The following ZBTB20 variants were observed in gnomAD, a reference collection of about 807,000 sequenced individuals.
ZBTB20 encodes the protein zinc finger and BTB domain-containing protein 20.
Under a neutral mutation model 56.9 loss-of-function variants are expected in ZBTB20, and 9 were observed. The ratio of observed to expected loss-of-function variants is 0.16; its 90% confidence interval spans 0.10 to 0.28. ZBTB20 has a LOEUF of 0.28. Among genes scored for constraint, ZBTB20 ranks in the 10% least tolerant of loss-of-function variants. ZBTB20 has a pLI of 1.00. For synonymous variants in ZBTB20, 417 were observed against 420.7 expected (o/e 0.99, Z 0.11); for missense variants, 655 against 1,003.0 (o/e 0.65, Z 4.69).
chr3:114,320,516 CT>C lies in ZBTB20; in HGVS notation c.*18488del, dbSNP rs1241829629. The C allele has an allele frequency of 6.6e-6, 1 of 152,136 alleles. No individual in the cohort carries two copies. The highest frequency in any genetic ancestry group is 2.4e-5 in the African/African-American group (1 of 41,428). The allele number at this position is 152,136 out of a possible 1,614,324, so 9.4% of individuals were successfully genotyped here. ...AGGAGCCAAGATTACATAATTCCAA[CT>C]ATGGTATGATTGGCAAGCACTGGTT... On this transcript the variant is annotated 3_prime_UTR_variant, in exon 12 of 12. Transcript: ENST00000675478.
At chr3:114,582,105 G>C (rs1006045166) in intron 6 of ZBTB20, 1 of 152,074 alleles carries the variant, frequency 6.6e-6, no homozygotes, top group African/African-American at 2.4e-5. Context: ...GGTTTTGCTT[G>C]TTCTTTACCT....
At chr3:114,952,052 G>C (rs1164021532) in intron 3 of ZBTB20, among the ~76,000 whole-genome samples, 1 of 151,996 alleles carries the variant, frequency 6.6e-6, no homozygotes, top group African/African-American at 2.4e-5. Flanking sequence ...GAAAAAAAGT[G>C]GCTCAGAAAC....
At chr3:114,586,424 C>T (rs1159376049) in intron 6 of ZBTB20, among the ~76,000 whole-genome samples, 1 of 152,162 alleles carries the variant, frequency 6.6e-6, no homozygotes, top group Non-Finnish European at 1.5e-5. Context: ...CTTCAAGCCA[C>T]ATAAACTCAC....
intron 5 of ZBTB20, among the ~76,000 whole-genome samples, chr3:114,722,910 A>G (rs1464958358): frequency 1.3e-5 from 2 of 152,350 alleles, no homozygotes; most frequent in Non-Finnish European, 2.9e-5. Context: ...TAGCAAAGAC[A>G]GGCAGATCAG....
intron 4 of ZBTB20, among the ~76,000 whole-genome samples, chr3:114,803,451 G>A (rs1490337616): frequency 2.0e-5 from 3 of 151,650 alleles, no homozygotes; most frequent in East Asian, 3.9e-4. Context: ...TCAGGCAAAC[G>A]GCTGGGCAAA....
intron 6 of ZBTB20, among the ~76,000 whole-genome samples, chr3:114,556,103 A>C (rs2051190318): frequency 6.6e-6 from 1 of 152,088 alleles, no homozygotes; most frequent in Non-Finnish European, 1.5e-5. Flanking sequence ...TGCCAGTGAA[A>C]AGTTAACTAT....
intron 3 of ZBTB20, among the ~76,000 whole-genome samples, chr3:114,938,486 T>C (rs2076622933): frequency 6.8e-6 from 1 of 146,290 alleles, no homozygotes; most frequent in Non-Finnish European, 1.5e-5. Context: ...TGGAATACTA[T>C]GCAGCCATAA....
intron 6 of ZBTB20, among the ~76,000 whole-genome samples, chr3:114,528,453 T>C (rs1265381847): frequency 1.3e-5 from 2 of 152,148 alleles, no homozygotes; most frequent in Non-Finnish European, 2.9e-5. Context: ...AAAAAATTTT[T>C]CCTAAAGAAG....
chr3:114,572,610 G>C (rs763848284), intron 6 of ZBTB20, among the ~76,000 whole-genome samples: 12 of 152,166 alleles, frequency 7.9e-5, no homozygotes, highest in African/African-American at 1.4e-4. Flanking sequence ...AGAAGGAAAA[G>C]AGGGTGAGGT....
chr3:114,775,261 A>T (rs2069508270), intron 5 of ZBTB20, among the ~76,000 whole-genome samples: 1 of 152,108 alleles, frequency 6.6e-6, no homozygotes, highest in Non-Finnish European at 1.5e-5. Context: ...ATGTTGTATC[A>T]GAGTGTTGTA....
intron 5 of ZBTB20, among the ~76,000 whole-genome samples, chr3:114,787,368 T>TATATATATATATATACATAC (rs1433434685): frequency 1.9e-5 from 2 of 106,328 alleles, no homozygotes; most frequent in African/African-American, 9.1e-5. Flanking sequence ...TATATATATA[T>TATATATATATATATACATAC]ACACACACAC....
chr3:114,469,010 C>CAAAAAAA (rs1164804884), intron 7 of ZBTB20, among the ~76,000 whole-genome samples: 11 of 67,034 alleles, frequency 1.6e-4, no homozygotes, highest in Non-Finnish European at 2.4e-4. Context: ...TCAAGAGAAG[C>CAAAAAAA]AAAAAAAAAA....
chr3:114,533,183 C>T (rs139715379), intron 6 of ZBTB20, among the ~76,000 whole-genome samples: 1,817 of 152,014 alleles, frequency 0.012, 37 homozygotes, highest in African/African-American at 0.039. Context: ...TGGGTAATAA[C>T]GAACTCCTCT....
intron 6 of ZBTB20, among the ~76,000 whole-genome samples, chr3:114,643,140 AT>A (rs1459061841): frequency 6.6e-6 from 1 of 152,042 alleles, no homozygotes; most frequent in Non-Finnish European, 1.5e-5. Context: ...AAAAGGGGTC[AT>A]TTTTCCTGCC....
chr3:114,687,246 A>T (rs1270823226), intron 6 of ZBTB20: 1 of 151,252 alleles, frequency 6.6e-6, no homozygotes, highest in African/African-American at 2.4e-5. Context: ...GTTTTTGTTA[A>T]ACTTAATCCT....
intron 2 of ZBTB20, among the ~76,000 whole-genome samples, chr3:114,997,562 C>CA: frequency 6.6e-6 from 1 of 150,458 alleles, no homozygotes; most frequent in Non-Finnish European, 1.5e-5. Context: ...TTTTTCTTTT[C>CA]TTTAAAAAAA....
chr3:114,629,642 C>T (rs2058832346), intron 6 of ZBTB20, among the ~76,000 whole-genome samples: 1 of 152,116 alleles, frequency 6.6e-6, no homozygotes, highest in Non-Finnish European at 1.5e-5. Context: ...TGTACCAATA[C>T]TAATCTGTTC....
intron 4 of ZBTB20, among the ~76,000 whole-genome samples, chr3:114,850,062 G>T (rs2074923933): frequency 6.6e-6 from 1 of 151,888 alleles, no homozygotes; most frequent in Admixed American, 6.6e-5. Flanking sequence ...ACCACGCCTG[G>T]CTAATTTTTG....
At chr3:114,853,426 T>C (rs1237680087) in intron 4 of ZBTB20, among the ~76,000 whole-genome samples, 1 of 152,268 alleles carries the variant, frequency 6.6e-6, no homozygotes, top group Non-Finnish European at 1.5e-5. Context: ...TCTCATTTTC[T>C]ATTTAATTGT....
Sources: gnomAD v4.1 joint callset for allele counts (sites outside exome capture counted in the v4.1 genomes callset) on GRCh38, gnomAD v4.1.1 for gene constraint, MANE v1.5 for transcripts, NCBI Gene and HGNC (gene_info 2026-07-23, HGNC 2026-07-21) for gene names.